Variants in ANKRD44 observed in about 807,000 individuals in gnomAD.
ANKRD44 encodes the protein serine/threonine-protein phosphatase 6 regulatory ankyrin repeat subunit B.
In ANKRD44, 35 loss-of-function variants were observed where a neutral mutation model predicts 116.0. That is an observed-to-expected ratio of 0.30 (90% CI 0.23 to 0.40). The LOEUF (loss-of-function observed/expected upper bound fraction) is 0.40, where lower values mean the gene tolerates loss of function less well. Ranked by LOEUF, ANKRD44 falls within the 10% of genes least tolerant of loss-of-function variation. The pLI is 1.00. For missense variants in ANKRD44, 1,014 were observed against 1,242.6 expected, an observed-to-expected ratio of 0.82 and a Z score of 2.77; for synonymous variants, 435 against 461.8, an observed-to-expected ratio of 0.94 and a Z score of 0.74.
At chr2:196,993,426 G>T (rs746173890) in intron 27 of ANKRD44, among the ~76,000 whole-genome samples, 157 bp downstream of exon 27, 2 of 152,208 alleles carry the variant, frequency 1.3e-5, no homozygotes, top group Non-Finnish European at 2.9e-5. Flanking sequence ...AAGACAGACA[G>T]GACAAGTTAT....
intron 2 of ANKRD44, among the ~76,000 whole-genome samples, chr2:197,180,190 G>A (rs1025789456): frequency 3.3e-5 from 5 of 151,994 alleles, no homozygotes; most frequent in African/African-American, 1.2e-4. Flanking sequence ...AGATGCATGT[G>A]GCCAGAGAAA....
intron 16 of ANKRD44, among the ~76,000 whole-genome samples, chr2:197,062,063 G>A (rs1461051745): frequency 6.6e-6 from 1 of 152,214 alleles, no homozygotes; most frequent in African/African-American, 2.4e-5. Context: ...TTATAGGCGT[G>A]AGCCACCACA....
At chr2:197,058,441 C>T (rs1458989218) in intron 16 of ANKRD44, among the ~76,000 whole-genome samples, 2 of 144,682 alleles carry the variant, frequency 1.4e-5, no homozygotes, top group African/African-American at 5.1e-5. Context: ...GCTCTGTGTT[C>T]CACGAATTAA....
intron 1 of ANKRD44, among the ~76,000 whole-genome samples, chr2:197,307,717 T>A (rs1265550917): frequency 1.3e-5 from 2 of 152,250 alleles, no homozygotes; most frequent in African/African-American, 4.8e-5. Context: ...AGCAAGCTCC[T>A]GCACCCAGCT....
intron 1 of ANKRD44, chr2:197,296,282 G>A (rs1216673052): frequency 6.6e-6 from 1 of 152,108 alleles, no homozygotes; most frequent in Non-Finnish European, 1.5e-5. Context: ...CAGCCACTAG[G>A]ACCTTTTGAG....
At chr2:197,044,443 T>C (rs1270442553) in intron 16 of ANKRD44, among the ~76,000 whole-genome samples, 1 of 152,198 alleles carries the variant, frequency 6.6e-6, no homozygotes, top group Non-Finnish European at 1.5e-5. Flanking sequence ...CTCGGCTCAC[T>C]GCAACCTCTG....
intron 16 of ANKRD44, among the ~76,000 whole-genome samples, chr2:197,056,862 A>C (rs2077213428): frequency 6.6e-6 from 1 of 152,186 alleles, no homozygotes; most frequent in Admixed American, 6.5e-5. Flanking sequence ...TATTAAATTA[A>C]CCTACCACCT....
chr2:197,004,328 GAAA>G (rs1171039205), intron 21 of ANKRD44, among the ~76,000 whole-genome samples: 3 of 151,918 alleles, frequency 2.0e-5, no homozygotes, highest in Non-Finnish European at 4.4e-5. Flanking sequence ...TCTCTAAGTG[GAAA>G]AAAACATCCT....
chr2:197,167,823 A>G (rs1336625878), intron 2 of ANKRD44, among the ~76,000 whole-genome samples: 2 of 152,202 alleles, frequency 1.3e-5, no homozygotes, highest in Non-Finnish European at 2.9e-5. Flanking sequence ...GTTTCATGCA[A>G]AACATGCAGA....
intron 1 of ANKRD44, among the ~76,000 whole-genome samples, chr2:197,239,237 G>A (rs2125791175): frequency 6.6e-6 from 1 of 152,224 alleles, no homozygotes; most frequent in East Asian, 1.9e-4. Context: ...CAAAAGGTAA[G>A]CTAGAAAAAA....
intron 1 of ANKRD44, among the ~76,000 whole-genome samples, chr2:197,248,556 G>GTATA: frequency 3.3e-5 from 1 of 30,392 alleles, no homozygotes; most frequent in African/African-American, 1.0e-4. Context: ...ATATGTATAT[G>GTATA]TGTGTGTGTG....
intron 16 of ANKRD44, among the ~76,000 whole-genome samples, chr2:197,072,005 T>G: frequency 6.8e-6 from 1 of 146,940 alleles, no homozygotes; most frequent in South Asian, 2.1e-4. Flanking sequence ...GCTTCCCTAG[T>G]GGGTTTGTGA....
intron 21 of ANKRD44, among the ~76,000 whole-genome samples, chr2:196,976,543 T>C (rs1414621695): frequency 6.6e-6 from 1 of 152,146 alleles, no homozygotes; most frequent in Admixed American, 6.5e-5. Flanking sequence ...GCAGATGACA[T>C]GTAGAAAATT....
intron 1 of ANKRD44, among the ~76,000 whole-genome samples, chr2:197,283,309 C>CA (rs2083317257): frequency 6.6e-6 from 1 of 152,150 alleles, no homozygotes; most frequent in East Asian, 1.9e-4. Context: ...CCCCTAGGGA[C>CA]AAACAAAATG....
intron 1 of ANKRD44, among the ~76,000 whole-genome samples, chr2:197,192,015 C>G (rs563871411): frequency 1.2e-4 from 18 of 152,194 alleles, no homozygotes; most frequent in Non-Finnish European, 2.1e-4. Context: ...GAATGAAGCC[C>G]ATCATGGGTT....
chr2:197,041,971 A>G (rs914673797), intron 16 of ANKRD44, among the ~76,000 whole-genome samples: 3 of 152,232 alleles, frequency 2.0e-5, no homozygotes, highest in African/African-American at 2.4e-5. Context: ...TTTAGGTAAG[A>G]TATCTATTGT....
intron 23 of ANKRD44, 88 bp from the exon 24 acceptor site, chr2:196,999,140 C>A: frequency 6.7e-7 from 1 of 1,483,566 alleles, no homozygotes; most frequent in Admixed American, 2.1e-5. Flanking sequence ...AAGGTGTTGT[C>A]TTAAGGATTT....
At chr2:197,066,966 G>C (rs1393740266) in intron 16 of ANKRD44, among the ~76,000 whole-genome samples, 2 of 152,252 alleles carry the variant, frequency 1.3e-5, no homozygotes, top group South Asian at 2.1e-4. Context: ...AAAAGAGCCC[G>C]CGTTGCCAAG....
chr2:197,222,261 G>GT (rs2081601168), intron 1 of ANKRD44, among the ~76,000 whole-genome samples: 1 of 152,132 alleles, frequency 6.6e-6, no homozygotes, highest in Admixed American at 6.5e-5. Flanking sequence ...GCAGACTCAA[G>GT]AAGAGGAGGA....
Sources: gnomAD v4.1 joint callset for allele counts (sites outside exome capture counted in the v4.1 genomes callset) on GRCh38, gnomAD v4.1.1 for gene constraint, MANE v1.5 for transcripts, NCBI Gene and HGNC (gene_info 2026-07-23, HGNC 2026-07-21) for gene names.